The following CABP1 variants were observed in gnomAD, a reference collection of about 807,000 sequenced individuals.
The protein encoded by CABP1 is calcium binding protein 1, also known as calcium-binding protein 1.
In CABP1, 17 loss-of-function variants were observed where a neutral mutation model predicts 34.3. That is an observed-to-expected ratio of 0.50 (90% CI 0.34 to 0.74). The LOEUF is 0.74. Among genes scored for constraint, CABP1 ranks in the 30% least tolerant of loss-of-function variants. The pLI, the probability that CABP1 is intolerant of heterozygous loss-of-function variation, is 0.01. For missense variants in CABP1, 373 were observed against 511.1 expected (o/e 0.73, Z 2.61); for synonymous variants, 198 against 229.2 (o/e 0.86, Z 1.23).
At chr12:120,659,647 G>A (rs3889470) in intron 1 of CABP1, 23,347 of 495,860 alleles carry the variant, frequency 0.047, 786 homozygotes, top group South Asian at 0.1. Context: ...GCCCAGGCTG[G>A]TGGGGCTGGT....
chr12:120,675,907 C>G, the CABP1 span, among the ~76,000 whole-genome samples: 1 of 152,170 alleles, frequency 6.6e-6, no homozygotes, highest in East Asian at 1.9e-4. Context: ...GAAACCCCAT[C>G]TCTACTAAAA....
At chr12:120,668,923 C>T (rs1881148934), downstream of CABP1, among the ~76,000 whole-genome samples, 1 of 152,190 alleles carries the variant, frequency 6.6e-6, no homozygotes, top group South Asian at 2.1e-4. Context: ...TGGGCCACCC[C>T]CGCAGTGATT....
intron 1 of CABP1, among the ~76,000 whole-genome samples, chr12:120,652,816 C>A (rs1193471877): frequency 6.6e-6 from 1 of 152,198 alleles, no homozygotes; most frequent in Non-Finnish European, 1.5e-5. Flanking sequence ...TCATGAGGCA[C>A]ACTTGCCCCT....
intron 1 of CABP1, chr12:120,655,733 C>G: frequency 6.9e-7 from 1 of 1,454,138 alleles, no homozygotes; most frequent in Non-Finnish European, 9.1e-7. Context: ...TGAGTGAACA[C>G]TTCCCATTGG....
At position 120,641,314 on chromosome 12, in the gene CABP1, C is replaced by A; in HGVS notation, c.629C>A (p.Pro210His). Residue 210 changes from proline to histidine, a missense_variant, in exon 1 of 6, where the codon CCC becomes CAC. Physicochemically the swap from Pro to His is moderately conservative, Grantham distance 77. Transcript: ENST00000316803. The surrounding 1 kb of genome is among the most constrained non-coding windows in gnomAD (Gnocchi z 6.7). ...GACCCGTTCCTCCACCGGCTGCGCC[C>A]CATGCTCAGCTCCGCCTTTGGCCAG... Reference protein sequence around the residue: ...EADPFLHRLRPMLSSAFGQDR... With the variant: ...EADPFLHRLRHMLSSAFGQDR... 7.5e-7 allele frequency: 1 copy of A among 1,329,742 alleles called. No homozygotes were observed. The highest frequency in any genetic ancestry group is 2.0e-5 in the South Asian group (1 of 50,118). 82.4% of individuals were successfully genotyped at this position (1,329,742 alleles called of 1,614,324 possible). A position where few individuals can be genotyped will look rare whatever the true frequency, so the allele number is the denominator to read the frequency against.
downstream of CABP1, among the ~76,000 whole-genome samples, chr12:120,671,077 G>A (rs1881236080): frequency 1.3e-5 from 2 of 152,128 alleles, no homozygotes; most frequent in Admixed American, 1.3e-4. Context: ...GGGGAGGAAT[G>A]GACAGATCTA....
At chr12:120,672,563 C>T in the CABP1 span, among the ~76,000 whole-genome samples, 18 of 139,112 alleles carry the variant, frequency 1.3e-4, no homozygotes, top group Admixed American at 2.4e-4. Context: ...ACCCAGGAGG[C>T]GGAGGCTGCA....
At chr12:120,678,201 T>C in the CABP1 span, among the ~76,000 whole-genome samples, 15 of 152,230 alleles carry the variant, frequency 9.9e-5, no homozygotes, top group Non-Finnish European at 2.9e-5. Context: ...TGAGTTTATC[T>C]TTAAGGGGGA....
intron 1 of CABP1, chr12:120,656,131 G>C (rs1469625106): frequency 6.2e-7 from 1 of 1,614,088 alleles, no homozygotes. Flanking sequence ...TGGTGGTGCA[G>C]ACGAGCGAGG....
the CABP1 span, among the ~76,000 whole-genome samples, chr12:120,674,929 A>G: frequency 0.021 from 3,202 of 151,912 alleles, 121 homozygotes; most frequent in African/African-American, 0.073. Flanking sequence ...AACACCAAAA[A>G]TACCAAGCAT....
chr12:120,645,270 T>C (rs1250217036), intron 1 of CABP1, among the ~76,000 whole-genome samples: 3 of 152,164 alleles, frequency 2.0e-5, no homozygotes, highest in Non-Finnish European at 4.4e-5. Flanking sequence ...CTATAGGCTT[T>C]CTCTGGGGCC....
chr12:120,666,556 A>T (rs1881003457), intron 5 of CABP1, among the ~76,000 whole-genome samples: 1 of 151,150 alleles, frequency 6.6e-6, no homozygotes, highest in Non-Finnish European at 1.5e-5. Context: ...AGATCTGTGT[A>T]GTTGGAGCAC....
intron 5 of CABP1, chr12:120,662,513 A>G (rs1011376384): frequency 6.6e-6 from 1 of 151,692 alleles, no homozygotes; most frequent in Non-Finnish European, 1.5e-5. Flanking sequence ...GGCGCCCACC[A>G]CCATGCCCGG....
At chr12:120,669,452 C>T (rs1215228115), downstream of CABP1, among the ~76,000 whole-genome samples, 1 of 152,186 alleles carries the variant, frequency 6.6e-6, no homozygotes, top group East Asian at 1.9e-4. Flanking sequence ...ACATCTCTAT[C>T]GGCTGGCAGG....
Position 120,666,872 on chromosome 12 carries a change from T to C in CABP1, c.1088-3T>C, listed in dbSNP as rs373836365. The C allele has an allele frequency of 6.8e-6, 11 of 1,606,228 alleles. No individual in the cohort carries two copies. The highest frequency in any genetic ancestry group is 4.0e-5 in the African/African-American group (3 of 75,032). On this transcript the variant is annotated splice_region_variant and splice_polypyrimidine_tract_variant and intron_variant, in intron 5 of 5. Coordinates refer to ENST00000316803, the MANE Select transcript of CABP1 (RefSeq NM_001033677.2). Reference sequence around the variant, plus strand: ...CTCCCCAGCTGCTCCTCTACCCTTCTAGAGTTTGTCCGGATGATGTCCCGC... The same window carrying C: ...CTCCCCAGCTGCTCCTCTACCCTTCCAGAGTTTGTCCGGATGATGTCCCGC...
Position 120,660,006 on chromosome 12 carries a change from G to A in CABP1, c.685+98G>A. 1 of 1,316,354 alleles carries A rather than the reference G, an allele frequency of 7.6e-7. No individual in the cohort carries two copies. The highest frequency in any genetic ancestry group is 1.3e-5 in the South Asian group (1 of 78,764). The allele number at this position is 1,316,354 out of a possible 1,614,324, so 81.5% of individuals were successfully genotyped here. ...AGAGAGGCCCCTGGAAATGGGGCCT[G>A]GTGCAACGCGGGGTATCTTCTGTGA... On this transcript the variant is annotated intron_variant, in intron 2 of 5. Transcript: ENST00000316803. The surrounding 1 kb of genome is among the most constrained non-coding windows in gnomAD (Gnocchi z 5.0).
chr12:120,650,296 TCTC>T (rs1879762129), intron 1 of CABP1: 1 of 356,442 alleles, frequency 2.8e-6, no homozygotes, highest in African/African-American at 2.1e-5. Context: ...CCGGCAGCCT[TCTC>T]CAGCTTGGTT....
chr12:120,680,077 G>A, the CABP1 span, among the ~76,000 whole-genome samples: 1 of 152,104 alleles, frequency 6.6e-6, no homozygotes, highest in Non-Finnish European at 1.5e-5. Flanking sequence ...GGAGGCTGGG[G>A]CAGGAGAATT....
intron 5 of CABP1, among the ~76,000 whole-genome samples, chr12:120,666,495 A>AG (rs1880997561): frequency 7.4e-6 from 1 of 134,232 alleles, no homozygotes; most frequent in Non-Finnish European, 1.6e-5. Context: ...AAAAAAAAAA[A>AG]TGCTGAGAGG....
Sources: allele counts gnomAD v4.1 joint callset (sites outside exome capture counted in the v4.1 genomes callset), GRCh38; gene constraint gnomAD v4.1.1; non-coding constraint Gnocchi (gnomAD v3.1); transcripts MANE v1.5; gene names NCBI Gene and HGNC (gene_info 2026-07-23, HGNC 2026-07-21).